The following SYNPO2 variants were observed in gnomAD, a reference collection of about 807,000 sequenced individuals.
SYNPO2 encodes the protein synaptopodin 2.
A neutral mutation model predicts 85.0 loss-of-function variants in SYNPO2; 56 were observed. That is an observed-to-expected ratio of 0.66 (90% CI 0.53 to 0.82). SYNPO2 has a LOEUF of 0.82. Among genes scored for constraint, SYNPO2 ranks in the 40% least tolerant of loss-of-function variants. SYNPO2 has a pLI of 0.00. For missense variants in SYNPO2, 1,575 were observed against 1,534.2 expected (o/e 1.03, Z -0.44); for synonymous variants, 602 against 591.1 (o/e 1.02, Z -0.27).
intron 4 of SYNPO2, among the ~76,000 whole-genome samples, chr4:119,054,200 C>T (rs868671949): frequency 2.0e-5 from 3 of 152,336 alleles, no homozygotes; most frequent in East Asian, 1.9e-4. Context: ...ACAGCGGTGC[C>T]CAGGTGGGGG....
intron 4 of SYNPO2, chr4:119,043,936 TCAAAA>T (rs1561024470): frequency 7.7e-5 from 1 of 12,948 alleles, no homozygotes; most frequent in Non-Finnish European, 1.4e-4. Flanking sequence ...AGACTCCGTC[TCAAAA>T]AAAAAAAAAA....
chr4:118,944,560 C>A (rs1734431116), intron 1 of SYNPO2, among the ~76,000 whole-genome samples: 1 of 152,250 alleles, frequency 6.6e-6, no homozygotes, highest in East Asian at 1.9e-4. Flanking sequence ...AACGCTGATT[C>A]AAACTAGAGT....
intron 1 of SYNPO2, among the ~76,000 whole-genome samples, chr4:118,877,934 G>A (rs548719625): frequency 4.3e-4 from 65 of 152,220 alleles, no homozygotes; most frequent in African/African-American, 1.3e-3. Context: ...CACTATTCAC[G>A]ATAGCAAAGA....
chr4:119,030,977 C>A lies in SYNPO2; in HGVS notation c.2202C>A (p.Asp734Glu), dbSNP rs568868405. The part of the protein sequence containing the change: ...GAGGDSGPEE[D>E]YLSLGAEACN... ...GAGGTGATTCCGGACCGGAAGAAGACTACCTCAGCTTGGGGGCAGAGGCTT... is the reference window on the plus strand; with the variant it reads ...GAGGTGATTCCGGACCGGAAGAAGAATACCTCAGCTTGGGGGCAGAGGCTT... Residue 734 changes from aspartate to glutamate, a missense_variant, in exon 4 of 5, where the codon GAC becomes GAA. Around this residue, in one of 3 missense-constraint regions of SYNPO2, gnomAD observed 1,508 missense variants for 1,446.8 expected, o/e 1.04. Transcript: ENST00000307142. The A allele has an allele frequency of 6.2e-7, 1 of 1,614,176 alleles. No homozygotes were observed. Among genetic ancestry groups the A allele is most frequent in the African/African-American group, 1.3e-5 (1 of 75,044 alleles).
chr4:118,859,268 C>CT (rs1731566979), intron 1 of SYNPO2, among the ~76,000 whole-genome samples: 1 of 151,760 alleles, frequency 6.6e-6, no homozygotes. Flanking sequence ...TAAATTAAAT[C>CT]TTTAATTTTT....
chr4:118,973,993 T>A (rs888840621), intron 1 of SYNPO2, among the ~76,000 whole-genome samples: 1 of 152,254 alleles, frequency 6.6e-6, no homozygotes, highest in African/African-American at 2.4e-5. Context: ...TTGTTCCCAT[T>A]ATACAGCTGA....
chr4:118,950,955 A>T lies in SYNPO2; in HGVS notation c.105+61814A>T, dbSNP rs114905470. Among the ~76,000 whole-genome samples the T allele has an allele frequency of 1.0e-2, 1,521 of 152,310 alleles. 24 individuals are homozygous for T. Among genetic ancestry groups the T allele is most frequent in the African/African-American group, 0.034 (1,401 of 41,570 alleles). ...CCATTTCTACACAACCAGTGTAAAGATATTGAAGTCTTCATGCCATTGTAT... is the reference window on the plus strand; with the variant it reads ...CCATTTCTACACAACCAGTGTAAAGTTATTGAAGTCTTCATGCCATTGTAT... On this transcript the variant is annotated intron_variant, in intron 1 of 4. Transcript: ENST00000307142.
At chr4:118,887,514 G>A (rs953199186), upstream of SYNPO2, among the ~76,000 whole-genome samples, 3 of 152,222 alleles carry the variant, frequency 2.0e-5, no homozygotes, top group African/African-American at 7.2e-5. Flanking sequence ...TTCCTTGATT[G>A]AATCCACCAC....
At chr4:118,891,187 A>G (rs945376974) in intron 1 of SYNPO2, among the ~76,000 whole-genome samples, 4 of 152,180 alleles carry the variant, frequency 2.6e-5, no homozygotes, top group Non-Finnish European at 4.4e-5. Flanking sequence ...TAAAATACCC[A>G]GCAATACATT....
chr4:118,854,191 G>T (rs1247852339), intron 1 of SYNPO2, among the ~76,000 whole-genome samples: 1 of 152,192 alleles, frequency 6.6e-6, no homozygotes, highest in Non-Finnish European at 1.5e-5. Flanking sequence ...TGCTTCAGAA[G>T]TTAATGTTAC....
At chr4:119,009,970 C>T (rs1026670527) in intron 1 of SYNPO2, among the ~76,000 whole-genome samples, 3 of 152,170 alleles carry the variant, frequency 2.0e-5, no homozygotes, top group African/African-American at 7.2e-5. Flanking sequence ...GGTCTGTGAG[C>T]CTCACCTTGA....
intron 1 of SYNPO2, among the ~76,000 whole-genome samples, chr4:118,958,596 C>A (rs1012801206): frequency 6.6e-6 from 1 of 150,504 alleles, no homozygotes; most frequent in African/African-American, 2.4e-5. Context: ...AACCCCTGAT[C>A]CATTTCCAGT....
intron 3 of SYNPO2, among the ~76,000 whole-genome samples, chr4:119,028,914 A>G (rs1245074432): frequency 6.6e-6 from 1 of 151,736 alleles, no homozygotes; most frequent in African/African-American, 2.4e-5. Flanking sequence ...TTTGCCACCC[A>G]TTTCTTTTTT....
chr4:118,866,185 C>A (rs898120401), intron 1 of SYNPO2, among the ~76,000 whole-genome samples: 4 of 152,120 alleles, frequency 2.6e-5, no homozygotes, highest in Non-Finnish European at 5.9e-5. Context: ...ACATTTTGGG[C>A]CAGATAATTC....
chr4:118,881,590 AAAAG>A (rs1054803934), intron 1 of SYNPO2, among the ~76,000 whole-genome samples: 2 of 152,234 alleles, frequency 1.3e-5, no homozygotes, highest in Admixed American at 1.3e-4. Context: ...GGCTTTGTGT[AAAAG>A]AAAGAGTTGC....
chr4:118,863,942 C>T (rs1489203739), intron 1 of SYNPO2, among the ~76,000 whole-genome samples: 1 of 152,090 alleles, frequency 6.6e-6, no homozygotes, highest in Non-Finnish European at 1.5e-5. Context: ...TTTCTTCATT[C>T]CAATTTTATT....
chr4:118,943,946 A>C (rs1734411894), intron 1 of SYNPO2, among the ~76,000 whole-genome samples: 1 of 152,202 alleles, frequency 6.6e-6, no homozygotes, highest in Admixed American at 6.5e-5. Flanking sequence ...TCAGTGCTAC[A>C]TACCTACGTG....
intron 4 of SYNPO2, among the ~76,000 whole-genome samples, chr4:119,041,687 T>C (rs1430918280): frequency 6.6e-6 from 1 of 152,242 alleles, no homozygotes; most frequent in African/African-American, 2.4e-5. Flanking sequence ...ACTTAGAACT[T>C]TTAATTTTAA....
At chr4:118,976,267 C>T (rs1735729871) in intron 1 of SYNPO2, among the ~76,000 whole-genome samples, 1 of 152,002 alleles carries the variant, frequency 6.6e-6, no homozygotes, top group African/African-American at 2.4e-5. Context: ...CAGACCTTTG[C>T]AGTGAGTGTT....
Sources: allele counts gnomAD v4.1 joint callset (sites outside exome capture counted in the v4.1 genomes callset), GRCh38; gene constraint gnomAD v4.1.1; regional missense constraint gnomAD v4.1.1; transcripts MANE v1.5; gene names NCBI Gene and HGNC (gene_info 2026-07-23, HGNC 2026-07-21).